PEBP4: variants seen among roughly 807,000 people sequenced by gnomAD.
PEBP4 encodes the protein phosphatidylethanolamine binding protein 4.
In PEBP4, 22 loss-of-function variants were observed where a neutral mutation model predicts 23.9. That is an observed-to-expected ratio of 0.92 (90% CI 0.66 to 1.31). The LOEUF (loss-of-function observed/expected upper bound fraction) is 1.31, where lower values mean the gene tolerates loss of function less well. Ranked by LOEUF, PEBP4 falls within the 40% of genes most tolerant of loss-of-function variation. The pLI is 0.00. For synonymous variants in PEBP4, 112 were observed against 99.3 expected, an observed-to-expected ratio of 1.13 and a Z score of -0.76; for missense variants, 324 against 281.7, an observed-to-expected ratio of 1.15 and a Z score of -1.07.
rs903924185 is a variant in PEBP4 at position 22,925,219 on chromosome 8, A to T, written c.131+2365T>A. The T allele has an allele frequency of 4.1e-6, 4 of 985,306 alleles. No individual in the cohort carries two copies. In the African/African-American group the frequency reaches 7.0e-5, roughly 17 times the overall value. 61.0% of individuals were successfully genotyped at this position (985,306 alleles called of 1,614,324 possible). A position where few individuals can be genotyped will look rare whatever the true frequency, so the allele number is the denominator to read the frequency against. Reference sequence around the variant, plus strand: ...CGATGATGGCTTGAAATCAAAAGACATCTTCCTGGCATGCAACCTTAAGGT... The same window carrying T: ...CGATGATGGCTTGAAATCAAAAGACTTCTTCCTGGCATGCAACCTTAAGGT... On this transcript the variant is annotated intron_variant, in intron 2 of 6. Transcript: ENST00000256404.
chr8:22,733,278 C>T (rs540457221), intron 4 of PEBP4, among the ~76,000 whole-genome samples: 5 of 152,316 alleles, frequency 3.3e-5, no homozygotes, highest in Non-Finnish European at 7.4e-5. Flanking sequence ...AGTCCGTGGG[C>T]GCCCTGGCCC....
intron 3 of PEBP4, among the ~76,000 whole-genome samples, chr8:22,845,940 C>A (rs73553893): frequency 0.025 from 3,784 of 152,340 alleles, 168 homozygotes; most frequent in African/African-American, 0.085. Flanking sequence ...GGGCAACCTT[C>A]TGCTCCTGTA....
intron 3 of PEBP4, among the ~76,000 whole-genome samples, chr8:22,871,841 C>T (rs139923691): frequency 7.6e-4 from 116 of 152,102 alleles, no homozygotes; most frequent in Middle Eastern, 3.4e-3. Context: ...TGTGAGCCAC[C>T]GCGCCTGCCC....
chr8:22,923,824 G>A (rs1447657331), intron 2 of PEBP4, among the ~76,000 whole-genome samples: 2 of 152,148 alleles, frequency 1.3e-5, no homozygotes, highest in Non-Finnish European at 2.9e-5. Context: ...GCAGCAAGAA[G>A]GTGCCATCTT....
intron 4 of PEBP4, among the ~76,000 whole-genome samples, chr8:22,778,384 A>AAT (rs749969514): frequency 6.8e-6 from 1 of 147,306 alleles, no homozygotes; most frequent in Non-Finnish European, 1.5e-5. Flanking sequence ...CAGAGCTTGA[A>AAT]CTTTTTTTTT....
chr8:22,860,194 A>ATATATATATACACATATATGTG (rs1807744631), intron 3 of PEBP4, among the ~76,000 whole-genome samples: 4 of 97,576 alleles, frequency 4.1e-5, no homozygotes, highest in South Asian at 3.0e-4. Context: ...ATATATATGT[A>ATATATATATACACATATATGTG]TATATATATA....
Position 22,731,681 on chromosome 8 carries a change from C to T in PEBP4, c.358-4461G>A, listed in dbSNP as rs183224170. On this transcript the variant is annotated intron_variant, in intron 4 of 6. Transcript: ENST00000256404. ...TTTATTTATTTATTTATTTTTGAGA[C>T]GGAGTCTCGCTCTGTCGCCCAGGCT... Among the ~76,000 whole-genome samples the T allele has an allele frequency of 3.3e-3, 499 of 151,334 alleles. 4 individuals carry two copies. Among genetic ancestry groups the T allele is most frequent in the African/African-American group, 0.011 (466 of 41,278 alleles).
intron 2 of PEBP4, chr8:22,924,947 A>G (rs549863488): frequency 1.0e-6 from 1 of 985,356 alleles, no homozygotes; most frequent in Admixed American, 6.1e-5. Context: ...TTAGGCATTG[A>G]GTCCAATCTT....
chr8:22,806,724 C>T (rs1806502294), intron 4 of PEBP4, among the ~76,000 whole-genome samples: 1 of 152,112 alleles, frequency 6.6e-6, no homozygotes. Flanking sequence ...TTTGTCACCT[C>T]TTCAGGAATG....
chr8:22,875,402 G>T (rs1240842318), intron 3 of PEBP4, among the ~76,000 whole-genome samples: 1 of 152,016 alleles, frequency 6.6e-6, no homozygotes, highest in Non-Finnish European at 1.5e-5. Context: ...GGAGTTTGTT[G>T]TGCGGATTAC....
chr8:22,783,817 A>T (rs1805974230), intron 4 of PEBP4, among the ~76,000 whole-genome samples: 1 of 152,202 alleles, frequency 6.6e-6, no homozygotes, highest in Non-Finnish European at 1.5e-5. Flanking sequence ...TATTTTTGGT[A>T]GAGATGGAGT....
chr8:22,908,827 G>A (rs980392865), intron 3 of PEBP4, among the ~76,000 whole-genome samples: 6 of 152,208 alleles, frequency 3.9e-5, no homozygotes, highest in Admixed American at 6.5e-5. Context: ...TGAGAGGCAC[G>A]CTCAGTGCTG....
chr8:22,854,869 A>C (rs1448274576), intron 3 of PEBP4, among the ~76,000 whole-genome samples: 1 of 151,688 alleles, frequency 6.6e-6, no homozygotes, highest in Non-Finnish European at 1.5e-5. Flanking sequence ...CCCTCTTTTC[A>C]AATTCCAGAG....
At chr8:22,789,036 G>A (rs139135467) in intron 4 of PEBP4, among the ~76,000 whole-genome samples, 1 of 152,302 alleles carries the variant, frequency 6.6e-6, no homozygotes, top group African/African-American at 2.4e-5. Context: ...AAGAAAGCAG[G>A]CTACATTGCA....
At chr8:22,909,449 A>G (rs895154552) in intron 3 of PEBP4, among the ~76,000 whole-genome samples, 1 of 152,036 alleles carries the variant, frequency 6.6e-6, no homozygotes, top group Non-Finnish European at 1.5e-5. Flanking sequence ...ACACCACTGT[A>G]CCCCCACGTA....
At chr8:22,863,260 G>A (rs751124280) in intron 3 of PEBP4, among the ~76,000 whole-genome samples, 1 of 152,062 alleles carries the variant, frequency 6.6e-6, no homozygotes, top group African/African-American at 2.4e-5. Context: ...TGAATGCAGG[G>A]GAGTCCCTCA....
rs1020962939 is a variant in PEBP4, at chr8:22,927,568, G to C, written c.131+16C>G. 6.2e-7 allele frequency: 1 copy of C among 1,605,998 alleles called. No homozygotes were observed. On this transcript the variant is annotated intron_variant, in intron 2 of 6. Transcript: ENST00000256404. ...TAGCCTCTGTGCCTCCCGCCTCCAA[G>C]CCTGCCCTGACTTACTGGCAAAAGA...
intron 3 of PEBP4, among the ~76,000 whole-genome samples, chr8:22,895,147 C>G (rs951811772): frequency 6.6e-6 from 1 of 152,086 alleles, no homozygotes; most frequent in African/African-American, 2.4e-5. Flanking sequence ...TTCAATTGGG[C>G]CATATTGATC....
At chr8:22,930,797 A>C (rs941725957), upstream of PEBP4, among the ~76,000 whole-genome samples, 5 of 152,114 alleles carry the variant, frequency 3.3e-5, no homozygotes, top group East Asian at 9.6e-4. Flanking sequence ...TAAGATCTGA[A>C]AGCCGTGTTC....
Sources: gnomAD v4.1 joint callset for allele counts (sites outside exome capture counted in the v4.1 genomes callset) on GRCh38, gnomAD v4.1.1 for gene constraint, MANE v1.5 for transcripts, NCBI Gene and HGNC (gene_info 2026-07-23, HGNC 2026-07-21) for gene names.